NIPBL: variants seen among roughly 807,000 people sequenced by gnomAD.
NIPBL encodes NIPBL cohesin loading factor, also known as nipped-B-like protein.
NIPBL carries 19 observed loss-of-function variants against 321.8 expected under a neutral mutation model. The ratio of observed to expected loss-of-function variants is 0.06; its 90% CI spans 0.04 to 0.09. The LOEUF is 0.09. Ranked by LOEUF, NIPBL falls within the 10% of genes least tolerant of loss-of-function variation. The probability of loss-of-function intolerance (pLI) is 1.00; values close to 1 mark genes in which losing one functional copy is unlikely to be tolerated. For synonymous variants in NIPBL, 1,106 were observed against 1,114.1 expected, an observed-to-expected ratio of 0.99 and a Z score of 0.14; for missense variants, 2,210 against 3,327.0, an observed-to-expected ratio of 0.66 and a Z score of 8.26.
Position 36,935,877 on chromosome 5 carries a change from A to G in NIPBL, c.-79-17741A>G, listed in dbSNP as rs77561539. Among the ~76,000 whole-genome samples the G allele has an allele frequency of 4.7e-3, 715 of 152,076 alleles. 23 individuals are homozygous for G. The East Asian group carries it at 0.098, about 21-fold the overall frequency. On this transcript the variant is annotated intron_variant, in intron 1 of 46. Coordinates refer to ENST00000282516, the MANE Select transcript of NIPBL (RefSeq NM_133433.4). ...ACCTAAAACCCCAGTCTCTGACTCT[A>G]TCCCTACATGGCTCCCTTTGTGTGT...
At chr5:36,967,960 G>T (rs1293325566) in intron 6 of NIPBL, among the ~76,000 whole-genome samples, 1 of 151,938 alleles carries the variant, frequency 6.6e-6, no homozygotes, top group East Asian at 1.9e-4. Context: ...AGCCAGGCAA[G>T]GTGGTGTGTG....
At chr5:36,942,921 T>C (rs1739273346) in intron 1 of NIPBL, among the ~76,000 whole-genome samples, 1 of 152,122 alleles carries the variant, frequency 6.6e-6, no homozygotes, top group African/African-American at 2.4e-5. Context: ...AAAAAAGTTT[T>C]AATTCTTGCT....
At chr5:37,060,257 C>G (rs1290333004) in intron 44 of NIPBL, among the ~76,000 whole-genome samples, 1 of 152,172 alleles carries the variant, frequency 6.6e-6, no homozygotes, top group Non-Finnish European at 1.5e-5. Context: ...CTCCTGGGCT[C>G]AAGTAATCCT....
intron 1 of NIPBL, among the ~76,000 whole-genome samples, chr5:36,941,636 AT>A (rs1258578856): frequency 2.0e-5 from 3 of 152,010 alleles, no homozygotes; most frequent in Non-Finnish European, 4.4e-5. Flanking sequence ...ACACATGGTC[AT>A]TTGATTCTGT....
At chr5:37,010,545 A>G (rs534239930) in intron 21 of NIPBL, among the ~76,000 whole-genome samples, 19 of 152,126 alleles carry the variant, frequency 1.2e-4, no homozygotes, top group Non-Finnish European at 2.5e-4. Context: ...CGAACTCATG[A>G]TCCACCCTCC....
intron 6 of NIPBL, among the ~76,000 whole-genome samples, chr5:36,965,197 G>A (rs948104234): frequency 5.3e-5 from 8 of 151,972 alleles, no homozygotes; most frequent in Non-Finnish European, 8.8e-5. Flanking sequence ...AAAAGAAAGG[G>A]AATCAGTATA....
At chr5:36,989,288 G>T (rs1745196359) in intron 10 of NIPBL, among the ~76,000 whole-genome samples, 1 of 151,946 alleles carries the variant, frequency 6.6e-6, no homozygotes, top group South Asian at 2.1e-4. Context: ...CACTTATTTT[G>T]ATCTATACTG....
intron 6 of NIPBL, among the ~76,000 whole-genome samples, chr5:36,964,699 A>C (rs1742012642): frequency 6.6e-6 from 1 of 152,170 alleles, no homozygotes; most frequent in Non-Finnish European, 1.5e-5. Flanking sequence ...CAAGCTAAAA[A>C]GCTTCTGTAC....
At chr5:36,895,155 G>T (rs1327675282) in intron 1 of NIPBL, among the ~76,000 whole-genome samples, 2 of 152,138 alleles carry the variant, frequency 1.3e-5, no homozygotes, top group Admixed American at 6.5e-5. Context: ...GTCACACCCT[G>T]TTGTCTCCAG....
chr5:37,003,030 C>CA (rs1391530807), intron 15 of NIPBL, among the ~76,000 whole-genome samples: 1 of 149,420 alleles, frequency 6.7e-6, no homozygotes, highest in Non-Finnish European at 1.5e-5. Context: ...TTCATTTTCT[C>CA]AAATATTTAG....
At chr5:37,004,476 C>T (rs899343476) in intron 16 of NIPBL, among the ~76,000 whole-genome samples, 18 of 151,602 alleles carry the variant, frequency 1.2e-4, no homozygotes, top group African/African-American at 4.4e-4. Context: ...ACAGTCATAG[C>T]TCATTGTAGT....
At chr5:37,006,181 AAC>A (rs1364922832) in intron 16 of NIPBL, among the ~76,000 whole-genome samples, 174 bp from the exon 17 acceptor site, 1 of 152,100 alleles carries the variant, frequency 6.6e-6, no homozygotes, top group African/African-American at 2.4e-5. Context: ...AAAACATTGA[AAC>A]ACAAATCGTG....
intron 1 of NIPBL, among the ~76,000 whole-genome samples, chr5:36,880,195 G>A (rs2149513778): frequency 6.6e-6 from 1 of 151,996 alleles, no homozygotes; most frequent in East Asian, 1.9e-4. Flanking sequence ...ATTTTCTAAG[G>A]CTTCTTCAAC....
intron 6 of NIPBL, among the ~76,000 whole-genome samples, chr5:36,965,485 A>AATAG (rs984801167): frequency 6.6e-6 from 1 of 152,050 alleles, no homozygotes; most frequent in African/African-American, 2.4e-5. Context: ...GAAGATAGAG[A>AATAG]ATAGATTGGT....
At chr5:37,064,482 T>A (rs1427771504) in intron 46 of NIPBL, 45 bp from the exon 47 acceptor site, 3 of 1,604,422 alleles carry the variant, frequency 1.9e-6, no homozygotes, top group East Asian at 4.5e-5. Flanking sequence ...ACTAAAATTC[T>A]TTTGTGTAAC....
At chr5:36,970,266 G>T (rs1742702968) in intron 6 of NIPBL, among the ~76,000 whole-genome samples, 1 of 151,708 alleles carries the variant, frequency 6.6e-6, no homozygotes, top group Admixed American at 6.6e-5. Context: ...GTTTCCTGTA[G>T]TCCTAGCTAC....
chr5:36,931,003 C>T (rs970427988), intron 1 of NIPBL, among the ~76,000 whole-genome samples: 1 of 152,100 alleles, frequency 6.6e-6, no homozygotes, highest in African/African-American at 2.4e-5. Context: ...AGTTTTCTTG[C>T]ATTGTCTCTG....
At chr5:37,049,036 G>T (rs1753256503) in intron 39 of NIPBL, 75 bp from the exon 40 acceptor site, 1 of 1,470,952 alleles carries the variant, frequency 6.8e-7, no homozygotes, top group Non-Finnish European at 9.5e-7. Context: ...TTTGGTTATG[G>T]CCTAATTTTG....
chr5:36,923,617 T>G (rs1214462751), intron 1 of NIPBL, among the ~76,000 whole-genome samples: 1 of 152,220 alleles, frequency 6.6e-6, no homozygotes, highest in East Asian at 1.9e-4. Flanking sequence ...ATAAATACTC[T>G]TACTTTAAAA....
Sources: allele counts gnomAD v4.1 joint callset (sites outside exome capture counted in the v4.1 genomes callset), GRCh38; gene constraint gnomAD v4.1.1; transcripts MANE v1.5; gene names NCBI Gene and HGNC (gene_info 2026-07-23, HGNC 2026-07-21).